Variants in TMEM41A observed in about 807,000 individuals in gnomAD.
TMEM41A encodes transmembrane protein 41A.
TMEM41A carries 20 observed loss-of-function variants against 25.7 expected under a neutral mutation model. The observed-to-expected ratio is 0.78, with a 90% CI of 0.55 to 1.13. The LOEUF (loss-of-function observed/expected upper bound fraction) is 1.13, where lower values mean the gene tolerates loss of function less well. TMEM41A is among the 50% of genes most tolerant of loss of function. The pLI is 0.00. For missense variants in TMEM41A, 299 were observed against 314.3 expected, an observed-to-expected ratio of 0.95 and a Z score of 0.37; for synonymous variants, 133 against 139.6, an observed-to-expected ratio of 0.95 and a Z score of 0.33.
At position 185,495,163 on chromosome 3, in the gene TMEM41A, C is replaced by T; in HGVS notation, c.426G>A (p.Leu142=). ...TGACCCCTCCCCTTACCTTTCTCTG[C>T]AGCAGGGCCACTTTATCAGGAAAGT... ...VSYFPDKVAL[L]QRKVEENRNS... is the part of the protein sequence containing the mutation. The change falls in exon 3 of 5, where the codon CTG becomes CTA. Residue 142 remains leucine, a synonymous_variant. Coordinates refer to ENST00000421852, the MANE Select transcript of TMEM41A (RefSeq NM_080652.4). The T allele has an allele frequency of 1.9e-6, 3 of 1,613,718 alleles. 1 individual carries two copies. The South Asian group carries it at 3.3e-5, about 18-fold the overall frequency.
chr3:185,494,891 G>C (rs539417124), intron 3 of TMEM41A, 130 bp from the exon 4 acceptor site: 4 of 1,199,308 alleles, frequency 3.3e-6, no homozygotes, highest in Admixed American at 2.5e-5. Flanking sequence ...ACCCTCCAGG[G>C]AAAGACTGTT....
rs1446908184 is a variant in TMEM41A at position 185,490,698 on chromosome 3, A to C, written c.*839T>G. On this transcript the variant is annotated 3_prime_UTR_variant, in exon 5 of 5. Transcript: ENST00000421852. ...TCAACTTGTTTCACTTGGCTTATGAAGAGGTAGGTCATCAGCAAAGAAGTA... is the reference window on the plus strand; with the variant it reads ...TCAACTTGTTTCACTTGGCTTATGACGAGGTAGGTCATCAGCAAAGAAGTA... The C allele has an allele frequency of 6.6e-6, 1 of 152,204 alleles. No individual in the cohort carries two copies. Among genetic ancestry groups the C allele is most frequent in the Non-Finnish European group, 1.5e-5 (1 of 68,050 alleles). The allele number at this position is 152,204 out of a possible 1,614,324, so 9.4% of individuals were successfully genotyped here.
At chr3:185,498,797 AC>A (rs1719188384) in intron 1 of TMEM41A, 45 bp downstream of exon 1, 2 of 1,424,610 alleles carry the variant, frequency 1.4e-6, no homozygotes, top group Non-Finnish European at 1.9e-6. Flanking sequence ...CGGTCCTCGG[AC>A]CCGGCTCCCT....
rs776994309 is a variant in TMEM41A at position 185,498,935 on chromosome 3, CAGA to C, written c.24_26del (p.Leu9del). 8.7e-6 allele frequency: 14 copies of C among 1,603,752 alleles called. No individual in the cohort carries two copies. The highest frequency in any genetic ancestry group is 4.0e-5 in the African/African-American group (3 of 74,550). ...AGGCGAAGGTGCAGCCGGCGAAGAC[CAGA>C]AGGAGGCCGAGAAGCGGGCGCATGT... On this transcript the variant is annotated inframe_deletion, in exon 1 of 5. Coordinates refer to ENST00000421852, the MANE Select transcript of TMEM41A (RefSeq NM_080652.4).
chr3:185,494,558 T>G (rs547531699), intron 4 of TMEM41A, 65 bp downstream of exon 4: 15 of 1,449,402 alleles, frequency 1.0e-5, no homozygotes, highest in African/African-American at 2.9e-5. Context: ...ACGTGGCCAA[T>G]AACCCAGGGC....
chr3:185,491,504 G>A lies in TMEM41A; in HGVS notation c.*33C>T, dbSNP rs1177244362. The A allele has an allele frequency of 1.3e-6, 2 of 1,564,632 alleles. No individual in the cohort carries two copies. The highest frequency in any genetic ancestry group is 1.1e-5 in the South Asian group (1 of 89,366). On this transcript the variant is annotated 3_prime_UTR_variant, in exon 5 of 5. Coordinates refer to ENST00000421852, the MANE Select transcript of TMEM41A (RefSeq NM_080652.4). ...ACATCCATTACACAAATAAGCAACT[G>A]AGTCCAGGGATGTGGCAAACAGAAA...
chr3:185,492,780 G>C (rs1718995809), intron 4 of TMEM41A: 1 of 152,346 alleles, frequency 6.6e-6, no homozygotes, highest in East Asian at 1.9e-4. Flanking sequence ...AGGAGAGGAA[G>C]TATACAGGAG....
intron 1 of TMEM41A, chr3:185,498,625 T>C: frequency 1.9e-6 from 1 of 526,670 alleles, no homozygotes; most frequent in South Asian, 2.4e-5. Context: ...ACCACACAGG[T>C]CCCAGTCAGG....
In TMEM41A at chr3:185,498,911, G is replaced by A; in HGVS notation, c.51C>T (p.Ala17=). 1.2e-6 allele frequency: 2 copies of A among 1,606,286 alleles called. No individual in the cohort carries two copies. Among genetic ancestry groups the A allele is most frequent in the Non-Finnish European group, 8.5e-7 (1 of 1,177,132 alleles). Residue 17 remains alanine, a synonymous_variant, in exon 1 of 5, where the codon GCC becomes GCT. Transcript: ENST00000421852. Reference sequence around the variant, plus strand: ...GCAGTCGCGTCGACAGCAAGTACAAGGCGAAGGTGCAGCCGGCGAAGACCA... The same window carrying A: ...GCAGTCGCGTCGACAGCAAGTACAAAGCGAAGGTGCAGCCGGCGAAGACCA... The part of the protein sequence containing the change: ...LLLVFAGCTF[A]LYLLSTRLPR...
At position 185,496,897 on chromosome 3, in the gene TMEM41A, G is replaced by A. The variant is rs746483328; in HGVS notation, c.204C>T (p.Tyr68=). ...AGGCGCCGCAGAAGAGCAGGAACAC[G>A]TAGGCCTGGTGCTCCTTCCGGTACT... ...LREYRKEHQA[Y]VFLLFCGAYL... Residue 68 remains tyrosine, a synonymous_variant, in exon 2 of 5, where the codon TAC becomes TAT. Coordinates refer to ENST00000421852, the MANE Select transcript of TMEM41A (RefSeq NM_080652.4). 10 of 1,605,878 alleles carry A rather than the reference G, an allele frequency of 6.2e-6. No homozygotes were observed. In the East Asian group the frequency reaches 1.8e-4, roughly 29 times the overall value.
chr3:185,498,794 C>T (rs772933819), intron 1 of TMEM41A, 49 bp downstream of exon 1: 2 of 1,403,330 alleles, frequency 1.4e-6, no homozygotes, highest in Admixed American at 2.4e-5. Flanking sequence ...CCCCGGTCCT[C>T]GGACCCGGCT....
rs773013425 is a variant in TMEM41A at position 185,491,524 on chromosome 3, C to G, written c.*13G>C. The G allele has an allele frequency of 6.2e-7, 1 of 1,607,378 alleles. No homozygotes were observed. Among genetic ancestry groups the G allele is most frequent in the Non-Finnish European group, 8.5e-7 (1 of 1,174,870 alleles). ...CAACTGAGTCCAGGGATGTGGCAAA[C>G]AGAAAATCCAGATCATGTGTCTTTT... On this transcript the variant is annotated 3_prime_UTR_variant, in exon 5 of 5. Coordinates refer to ENST00000421852, the MANE Select transcript of TMEM41A (RefSeq NM_080652.4).
chr3:185,497,020 A>T, intron 1 of TMEM41A, 39 bp from the exon 2 acceptor site: 1 of 1,566,474 alleles, frequency 6.4e-7, no homozygotes, highest in Non-Finnish European at 8.6e-7. Context: ...ATGAGTTCAG[A>T]TCAGTCCAGT....
At chr3:185,496,007 A>T (rs536197472) in intron 2 of TMEM41A, 174 of 153,682 alleles carry the variant, frequency 1.1e-3, no homozygotes, top group Non-Finnish European at 2.0e-3. Flanking sequence ...AAGCTATGTA[A>T]GATGTCTTGT....
rs367683232 is a variant in TMEM41A at position 185,494,549 on chromosome 3, C to T, written c.574+74G>A. 395 of 1,425,870 alleles carry T rather than the reference C, an allele frequency of 2.8e-4. 4 individuals carry two copies. The South Asian group carries it at 6.0e-3, about 22-fold the overall frequency. The allele number at this position is 1,425,870 out of a possible 1,614,324, so 88.3% of individuals were successfully genotyped here. A position where few individuals can be genotyped will look rare whatever the true frequency, so the allele number is the denominator to read the frequency against. On this transcript the variant is annotated intron_variant, in intron 4 of 4. Transcript: ENST00000421852. Reference sequence around the variant, plus strand: ...GTTCTCAGAAGCAGGCACATGCTCACGTGGCCAATAACCCAGGGCAGACCC... The same window carrying T: ...GTTCTCAGAAGCAGGCACATGCTCATGTGGCCAATAACCCAGGGCAGACCC...
At position 185,495,307 on chromosome 3, in the gene TMEM41A, T is replaced by C; in HGVS notation, c.282A>G (p.Leu94=). The change falls in exon 3 of 5, where the codon TTA becomes TTG. Residue 94 remains leucine (L), a synonymous_variant. Coordinates refer to ENST00000421852, the MANE Select transcript of TMEM41A (RefSeq NM_080652.4). ...AIPGSSFLNV[L]AGALFGPWLG... ...GCCATGGCCCAAACAAGGCACCAGC[T>C]AAAACATTCTGCAAATAAAACAAAC... The C allele has an allele frequency of 6.2e-7, 1 of 1,613,406 alleles. No homozygotes were observed. The highest frequency in any genetic ancestry group is 8.5e-7 in the Non-Finnish European group (1 of 1,179,878).
Position 185,498,847 on chromosome 3 carries a change from C to T in TMEM41A, c.115G>A (p.Gly39Ser). 6.3e-7 allele frequency: 1 copy of T among 1,596,282 alleles called. No individual in the cohort carries two copies. The highest frequency in any genetic ancestry group is 1.1e-5 in the South Asian group (1 of 88,624). The change falls in exon 1 of 5, where the codon GGC (glycine) becomes AGC (serine). Residue 39 changes from glycine to serine, a missense_variant. By Grantham distance (56) the Gly-to-Ser change is moderately conservative (BLOSUM62 0). Coordinates refer to ENST00000421852, the MANE Select transcript of TMEM41A (RefSeq NM_080652.4). Reference sequence around the variant, plus strand: ...ACCCGGATTCCCGCCACGCACCTGCCTCCAGCCTCCTCGGTGGAGCCCAGT... The same window carrying T: ...ACCCGGATTCCCGCCACGCACCTGCTTCCAGCCTCCTCGGTGGAGCCCAGT... Reference protein sequence around the residue: ...RRLGSTEEAGGRSLWFPSDLA... With the variant: ...RRLGSTEEAGSRSLWFPSDLA...
Position 185,495,337 on chromosome 3 carries a change from A to G in TMEM41A, c.274-22T>C, listed in dbSNP as rs1025512297. On this transcript the variant is annotated intron_variant, in intron 2 of 4. Transcript: ENST00000421852. The stretch of plus-strand genomic sequence containing the variant: ...CATTCTGCAAATAAAACAAACCCTC[A>G]GGCATGTGAACATCTGGCAGCTACC... 5.6e-6 allele frequency: 9 copies of G among 1,607,148 alleles called. No homozygotes were observed. In the Admixed American group the frequency reaches 6.7e-5, roughly 12 times the overall value.
At chr3:185,496,791 T>G (rs1719112827) in intron 2 of TMEM41A, 37 bp downstream of exon 2, 3 of 1,584,384 alleles carry the variant, frequency 1.9e-6, no homozygotes, top group Non-Finnish European at 2.6e-6. Context: ...ATTTTACAGA[T>G]AAGGAAACAG....
Sources: gnomAD v4.1 joint callset for allele counts on GRCh38, gnomAD v4.1.1 for gene constraint, MANE v1.5 for transcripts, NCBI Gene and HGNC (gene_info 2026-07-23, HGNC 2026-07-21) for gene names.